COBL: variants seen among roughly 807,000 people sequenced by gnomAD.
The protein encoded by COBL is cordon-bleu WH2 repeat protein, also known as protein cordon-bleu.
A neutral mutation model predicts 98.8 loss-of-function variants in COBL; 51 were observed. That is an observed-to-expected ratio of 0.52 (90% CI 0.41 to 0.65). The LOEUF (loss-of-function observed/expected upper bound fraction) is 0.65. COBL is among the 30% of genes least tolerant of loss of function. The probability of loss-of-function intolerance (pLI) is 0.00; values close to 1 mark genes in which losing one functional copy is unlikely to be tolerated. For synonymous variants in COBL, 634 were observed against 651.7 expected (o/e 0.97, Z 0.41); for missense variants, 1,617 against 1,617.5 (o/e 1.00, Z 0.01).
intron 1 of COBL, among the ~76,000 whole-genome samples, chr7:51,237,166 G>A (rs538798770): frequency 6.6e-6 from 1 of 152,274 alleles, no homozygotes; most frequent in East Asian, 1.9e-4. Flanking sequence ...CCCCTCCCCA[G>A]ACTCCAGATC....
In COBL at chr7:51,043,421, G is replaced by A. The variant is rs971916607; in HGVS notation, c.1368C>T (p.Pro456=). The change falls in exon 8 of 13, where the codon CCC becomes CCT. Residue 456 remains proline, a synonymous_variant. Coordinates refer to ENST00000265136, the MANE Select transcript of COBL (RefSeq NM_015198.5). The part of the protein sequence containing the change: ...GTPDLGPQKS[P]LWEKNGSENS... ...TCTCAGAGCCATTCTTCTCCCACAAGGGGCTCTTCTGGGGACCCAGGTCTG... is the reference window on the plus strand; with the variant it reads ...TCTCAGAGCCATTCTTCTCCCACAAAGGGCTCTTCTGGGGACCCAGGTCTG... 30 of 1,614,204 alleles carry A rather than the reference G, an allele frequency of 1.9e-5. No individual in the cohort carries two copies. Among genetic ancestry groups the A allele is most frequent in the Non-Finnish European group, 2.5e-5 (30 of 1,180,020 alleles).
intron 1 of COBL, among the ~76,000 whole-genome samples, chr7:51,234,046 A>G (rs540702967): frequency 1.4e-4 from 22 of 152,240 alleles, no homozygotes; most frequent in Non-Finnish European, 2.5e-4. Context: ...GAAAAGCAGA[A>G]AAGAAGGGTA....
chr7:51,110,276 G>A (rs954495361), intron 6 of COBL, among the ~76,000 whole-genome samples: 1 of 151,862 alleles, frequency 6.6e-6, no homozygotes, highest in African/African-American at 2.4e-5. Flanking sequence ...TCCACCCTGC[G>A]CAGCCTCTGG....
chr7:51,224,294 C>A (rs922156531), intron 1 of COBL, among the ~76,000 whole-genome samples: 6 of 152,190 alleles, frequency 3.9e-5, no homozygotes, highest in Admixed American at 1.3e-4. Context: ...GATATTGACA[C>A]TGCTGAAAAT....
At chr7:51,039,892 C>T (rs1018000173) in intron 8 of COBL, among the ~76,000 whole-genome samples, 11 of 152,112 alleles carry the variant, frequency 7.2e-5, no homozygotes, top group African/African-American at 2.7e-4. Flanking sequence ...AAAAACTGGC[C>T]ACACTGGGTC....
At chr7:51,268,015 G>A (rs1798383443) in intron 1 of COBL, among the ~76,000 whole-genome samples, 1 of 152,176 alleles carries the variant, frequency 6.6e-6, no homozygotes, top group Admixed American at 6.5e-5. Flanking sequence ...TTTATCAAGT[G>A]GAAGATCCCT....
At chr7:51,131,794 A>G (rs1415858935) in intron 6 of COBL, among the ~76,000 whole-genome samples, 1 of 152,138 alleles carries the variant, frequency 6.6e-6, no homozygotes, top group South Asian at 2.1e-4. Context: ...AGGTTTCACC[A>G]TGTTGGCTGG....
At chr7:51,071,242 T>C (rs1240550295) in intron 7 of COBL, 1 of 152,240 alleles carries the variant, frequency 6.6e-6, no homozygotes, top group African/African-American at 2.4e-5. Context: ...GGTTCTAAGC[T>C]GAGTCAGAAA....
chr7:51,263,125 TC>T (rs1254594827), intron 1 of COBL, among the ~76,000 whole-genome samples: 5 of 151,856 alleles, frequency 3.3e-5, no homozygotes, highest in South Asian at 2.1e-4. Context: ...GTTGGGGAGT[TC>T]CCCCCAGCTC....
At chr7:51,111,057 G>T (rs1425531892) in intron 6 of COBL, among the ~76,000 whole-genome samples, 1 of 152,194 alleles carries the variant, frequency 6.6e-6, no homozygotes, top group Non-Finnish European at 1.5e-5. Context: ...ATGCCCAGTA[G>T]TGGGATTGCT....
chr7:51,088,897 T>C (rs963570765), intron 6 of COBL, among the ~76,000 whole-genome samples: 11 of 152,168 alleles, frequency 7.2e-5, no homozygotes, highest in African/African-American at 1.7e-4. Flanking sequence ...TCCTGTGGCA[T>C]GTGGGTTTTC....
At chr7:51,298,089 T>A (rs992957433) in intron 1 of COBL, among the ~76,000 whole-genome samples, 1 of 152,198 alleles carries the variant, frequency 6.6e-6, no homozygotes, top group Non-Finnish European at 1.5e-5. Context: ...GCATTGCTCC[T>A]TGCACCCCCT....
At chr7:51,072,273 C>T (rs1013425681) in intron 7 of COBL, 5 of 152,050 alleles carry the variant, frequency 3.3e-5, no homozygotes, top group African/African-American at 1.2e-4. Flanking sequence ...AACTAGTTGT[C>T]TTTTTATCTA....
In COBL at chr7:51,061,551, A is replaced by T. The variant is rs117436846; in HGVS notation, c.1097-17859T>A. Among the ~76,000 whole-genome samples the T allele has an allele frequency of 3.0e-3, 457 of 152,138 alleles. 7 individuals carry two copies. The East Asian group carries it at 0.043, about 14-fold the overall frequency. The stretch of plus-strand genomic sequence containing the variant: ...ATAGGGGGCGAGTTGGCAAGGGGTG[A>T]ATTTGCAATGGCTAAGCAAGGGGTG... On this transcript the variant is annotated intron_variant, in intron 7 of 12. Transcript: ENST00000265136.
At chr7:51,179,773 G>GA (rs1456305059) in intron 5 of COBL, among the ~76,000 whole-genome samples, 1 of 152,036 alleles carries the variant, frequency 6.6e-6, no homozygotes, top group African/African-American at 2.4e-5. Flanking sequence ...AACGCAAAAA[G>GA]AAAAAATCCA....
At chr7:51,252,342 C>G (rs1041073966) in intron 1 of COBL, among the ~76,000 whole-genome samples, 1 of 152,212 alleles carries the variant, frequency 6.6e-6, no homozygotes, top group African/African-American at 2.4e-5. Flanking sequence ...AAAGGAAATC[C>G]CAAACCCATT....
In COBL at chr7:51,137,768, G is replaced by A. The variant is rs1340222959; in HGVS notation, c.784-1437C>T. Among the ~76,000 whole-genome samples the A allele has an allele frequency of 3.3e-5, 5 of 152,056 alleles. No homozygotes were observed. The East Asian group carries it at 9.6e-4, about 29-fold the overall frequency. The stretch of plus-strand genomic sequence containing the variant: ...TAATCCCAGCTCCAAACAGTTCCTG[G>A]TAGGTGGAGGGCCCTTCAGTCAACC... On this transcript the variant is annotated intron_variant, in intron 5 of 12. Transcript: ENST00000265136.
chr7:51,152,901 G>T (rs1346680979), intron 5 of COBL, among the ~76,000 whole-genome samples: 3 of 152,184 alleles, frequency 2.0e-5, no homozygotes, highest in African/African-American at 7.2e-5. Flanking sequence ...CTCTAACTTA[G>T]ATCTGCCATC....
At chr7:51,177,105 T>C (rs1476828667) in intron 5 of COBL, among the ~76,000 whole-genome samples, 3 of 152,168 alleles carry the variant, frequency 2.0e-5, no homozygotes, top group East Asian at 1.9e-4. Flanking sequence ...TTCTGTGATA[T>C]TGTTGATACC....
Sources: allele counts gnomAD v4.1 joint callset (sites outside exome capture counted in the v4.1 genomes callset), GRCh38; gene constraint gnomAD v4.1.1; transcripts MANE v1.5; gene names NCBI Gene and HGNC (gene_info 2026-07-23, HGNC 2026-07-21).